RYR2: variants seen among roughly 807,000 people sequenced by gnomAD.
RYR2 encodes cardiac muscle ryanodine receptor-calcium release channel.
A neutral mutation model predicts 601.1 loss-of-function variants in RYR2; 227 were observed. That is an observed-to-expected ratio of 0.38 (90% CI 0.34 to 0.42). The LOEUF is 0.42. RYR2 is among the 10% of genes least tolerant of loss of function. The pLI is 1.00. For synonymous variants in RYR2, 2,223 were observed against 2,175.1 expected (o/e 1.02, Z -0.61); for missense variants, 4,646 against 6,156.5 (o/e 0.75, Z 8.21).
At chr1:237,420,596 A>G in intron 11 of RYR2, among the ~76,000 whole-genome samples, 1 of 152,172 alleles carries the variant, frequency 6.6e-6, no homozygotes, top group Non-Finnish European at 1.5e-5. Flanking sequence ...ATGAAAGCAA[A>G]TGTGCTTAGA....
In RYR2 at chr1:237,730,264, C is replaced by T; in HGVS notation, c.10843C>T (p.Arg3615Trp). The T allele has an allele frequency of 3.1e-6, 5 of 1,595,238 alleles. No individual in the cohort carries two copies. The highest frequency in any genetic ancestry group is 1.7e-4 in the Middle Eastern group (1 of 6,028). The change falls in exon 77 of 105, where the codon CGG (arginine) becomes TGG (tryptophan). Residue 3615 changes from arginine to tryptophan, a missense_variant. Transcript: ENST00000366574. ...GAAATTGTGCTTACCTTTCAGGCAT[C>T]GGGCTGTCAATCTCTTTCTTCAGGG... ...MAPLYNLPRH[R>W]AVNLFLQGYE...
At chr1:237,273,772 C>T (rs1689950893) in intron 2 of RYR2, among the ~76,000 whole-genome samples, 1 of 150,600 alleles carries the variant, frequency 6.6e-6, no homozygotes, top group Non-Finnish European at 1.5e-5. Context: ...AAGAGAAGGT[C>T]TTAAGAATAT....
At chr1:237,492,649 TG>T (rs1451934993) in intron 18 of RYR2, among the ~76,000 whole-genome samples, 1 of 152,042 alleles carries the variant, frequency 6.6e-6, no homozygotes, top group Non-Finnish European at 1.5e-5. Flanking sequence ...GAGACCAGCC[TG>T]GGTAATATAG....
At chr1:237,718,633 TTTAA>T in intron 73 of RYR2, 112 bp downstream of exon 73, 1 of 481,990 alleles carries the variant, frequency 2.1e-6, no homozygotes. Context: ...ATAGACATAT[TTTAA>T]TTAGTCATTA....
chr1:237,344,389 C>T (rs973288805), intron 3 of RYR2, among the ~76,000 whole-genome samples: 11 of 152,316 alleles, frequency 7.2e-5, no homozygotes, highest in African/African-American at 2.6e-4. Flanking sequence ...TTCTTTATTT[C>T]TGGCTCCAAT....
chr1:237,696,618 G>A (rs112949931), intron 63 of RYR2, among the ~76,000 whole-genome samples: 55 of 148,744 alleles, frequency 3.7e-4, no homozygotes, highest in African/African-American at 1.3e-3. Context: ...CTTAATATGT[G>A]CAAAGCAAGG....
chr1:237,642,910 T>C (rs1323160480), intron 47 of RYR2, among the ~76,000 whole-genome samples: 1 of 152,232 alleles, frequency 6.6e-6, no homozygotes, highest in Non-Finnish European at 1.5e-5. Context: ...GAAGCTAATT[T>C]GGTCATAAAT....
chr1:237,700,999 T>C (rs1381707877), intron 65 of RYR2, among the ~76,000 whole-genome samples: 1 of 152,228 alleles, frequency 6.6e-6, no homozygotes, highest in Non-Finnish European at 1.5e-5. Context: ...TGGCATTCAG[T>C]AGTTAATAAA....
intron 6 of RYR2, among the ~76,000 whole-genome samples, chr1:237,373,938 C>G (rs1700832121): frequency 6.6e-6 from 1 of 152,192 alleles, no homozygotes; most frequent in Non-Finnish European, 1.5e-5. Context: ...CTACATTGTA[C>G]TTTTGCAGAT....
chr1:237,086,043 C>T (rs1417292151), intron 1 of RYR2, among the ~76,000 whole-genome samples: 2 of 152,270 alleles, frequency 1.3e-5, no homozygotes, highest in African/African-American at 2.4e-5. Context: ...GCGTGAGCCA[C>T]TGCACCCAGC....
intron 92 of RYR2, 137 bp from the exon 93 acceptor site, chr1:237,791,292 A>G: frequency 1.6e-6 from 1 of 621,028 alleles, no homozygotes; most frequent in East Asian, 2.8e-5. Context: ...TTAGGTCTGC[A>G]GCACCAAGAA....
chr1:237,720,291 T>G (rs2819775), intron 73 of RYR2, among the ~76,000 whole-genome samples: 38,431 of 152,082 alleles, frequency 0.25, 5,886 homozygotes, highest in Middle Eastern at 0.46. Flanking sequence ...TATGCCTTTC[T>G]GGGTATTAAA....
At chr1:237,628,372 C>T (rs1050817420) in intron 41 of RYR2, among the ~76,000 whole-genome samples, 14 of 134,320 alleles carry the variant, frequency 1.0e-4, no homozygotes, top group Non-Finnish European at 2.0e-4. Flanking sequence ...CCTCCCCCCT[C>T]CCCCCACCCC....
At chr1:237,374,252 T>C (rs1344076278) in intron 6 of RYR2, among the ~76,000 whole-genome samples, 3 of 152,054 alleles carry the variant, frequency 2.0e-5, no homozygotes, top group Non-Finnish European at 2.9e-5. Context: ...CTGGTCACTG[T>C]GGCTCATGCC....
At chr1:237,130,837 A>G (rs1209606330) in intron 1 of RYR2, among the ~76,000 whole-genome samples, 3 of 152,148 alleles carry the variant, frequency 2.0e-5, no homozygotes, top group Non-Finnish European at 2.9e-5. Flanking sequence ...TATTTATATG[A>G]TCAATTTTTT....
chr1:237,380,499 G>A (rs1701414643), intron 8 of RYR2, among the ~76,000 whole-genome samples: 1 of 145,506 alleles, frequency 6.9e-6, no homozygotes, highest in African/African-American at 2.6e-5. Context: ...TTCATCTGGA[G>A]TCTGGGGAAT....
chr1:237,661,899 G>T (rs533039754), intron 56 of RYR2, among the ~76,000 whole-genome samples: 1 of 152,084 alleles, frequency 6.6e-6, no homozygotes, highest in South Asian at 2.1e-4. Context: ...AATACCACCC[G>T]TTAACATTTA....
intron 1 of RYR2, among the ~76,000 whole-genome samples, chr1:237,186,306 G>C (rs1200805232): frequency 1.3e-5 from 2 of 152,122 alleles, no homozygotes; most frequent in Non-Finnish European, 2.9e-5. Flanking sequence ...AGGCGTGATG[G>C]TTATGTTTGC....
At position 237,106,526 on chromosome 1, in the gene RYR2, T is replaced by A. The variant is rs1429597087; in HGVS notation, c.48+63957T>A. Among the ~76,000 whole-genome samples the A allele has an allele frequency of 6.6e-6, 1 of 152,114 alleles. No individual in the cohort carries two copies. The highest frequency in any genetic ancestry group is 2.4e-5 in the African/African-American group (1 of 41,436). ...CTGGAAAGAGTGAAGATCAAGAGTT[T>A]CATTCTGGAAATGTGGGGGTTTTCG... On this transcript the variant is annotated intron_variant, in intron 1 of 104. Transcript: ENST00000366574. This position sits in a 1 kb window ranked among gnomAD's most constrained non-coding sequence, Gnocchi z 4.4.
Sources: allele counts gnomAD v4.1 joint callset (sites outside exome capture counted in the v4.1 genomes callset), GRCh38; gene constraint gnomAD v4.1.1; non-coding constraint Gnocchi (gnomAD v3.1); transcripts MANE v1.5; gene names NCBI Gene and HGNC (gene_info 2026-07-23, HGNC 2026-07-21).